Variants in MLLT3 observed in about 807,000 individuals in gnomAD.
MLLT3 encodes the protein protein AF-9.
In MLLT3, 4 loss-of-function variants were observed where a neutral mutation model predicts 53.2. The ratio of observed to expected loss-of-function variants is 0.08; its 90% confidence interval spans 0.04 to 0.17. MLLT3 has a LOEUF of 0.17. MLLT3 is among the 10% of genes least tolerant of loss of function. MLLT3 has a pLI of 1.00. For missense variants in MLLT3, 569 were observed against 684.0 expected (o/e 0.83, Z 1.87); for synonymous variants, 283 against 230.6 (o/e 1.23, Z -2.06).
At chr9:20,616,594 C>A (rs1167403619) in intron 2 of MLLT3, among the ~76,000 whole-genome samples, 1 of 152,138 alleles carries the variant, frequency 6.6e-6, no homozygotes, top group African/African-American at 2.4e-5. Flanking sequence ...TACTTATTTA[C>A]AGACATACAC....
chr9:20,605,719 GTATAACATT>G, intron 2 of MLLT3, among the ~76,000 whole-genome samples: 1 of 152,080 alleles, frequency 6.6e-6, no homozygotes, highest in Non-Finnish European at 1.5e-5. Context: ...TTTTAAGCTA[GTATAACATT>G]TATACTATAT....
At chr9:20,516,139 C>T (rs971474786) in intron 2 of MLLT3, among the ~76,000 whole-genome samples, 2 of 152,186 alleles carry the variant, frequency 1.3e-5, no homozygotes, top group African/African-American at 4.8e-5. Flanking sequence ...CCTCAGATAT[C>T]TCCTGACTCC....
At chr9:20,545,750 G>A (rs186920404) in intron 2 of MLLT3, among the ~76,000 whole-genome samples, 11 of 151,748 alleles carry the variant, frequency 7.2e-5, no homozygotes, top group Admixed American at 2.0e-4. Flanking sequence ...CAGGTCCAGT[G>A]GCTCACATGT....
Position 20,352,358 on chromosome 9 carries a change from G to A in MLLT3, c.1575+1167C>T, listed in dbSNP as rs1821048876. Among the ~76,000 whole-genome samples, 6 of 152,216 alleles carry A rather than the reference G, an allele frequency of 3.9e-5. No homozygotes were observed. In the South Asian group the frequency reaches 1.2e-3, roughly 32 times the overall value. On this transcript the variant is annotated intron_variant, in intron 10 of 10. Transcript: ENST00000380338. ...ACGAGAAAGATCATGCAATAGATCTGCAATCAGCATTATGCCAGCCCCAAA... is the reference window on the plus strand; with the variant it reads ...ACGAGAAAGATCATGCAATAGATCTACAATCAGCATTATGCCAGCCCCAAA...
At chr9:20,500,949 T>C (rs1825207700) in intron 2 of MLLT3, among the ~76,000 whole-genome samples, 1 of 152,218 alleles carries the variant, frequency 6.6e-6, no homozygotes, top group African/African-American at 2.4e-5. Context: ...GAATTGCCTA[T>C]AATTCAGAGT....
intron 3 of MLLT3, among the ~76,000 whole-genome samples, chr9:20,452,753 G>C (rs959780632): frequency 6.6e-6 from 1 of 152,160 alleles, no homozygotes; most frequent in Non-Finnish European, 1.5e-5. Context: ...GACTCAGAAA[G>C]ATGAGTACTG....
At chr9:20,560,527 A>C (rs1819176185) in intron 2 of MLLT3, among the ~76,000 whole-genome samples, 1 of 152,172 alleles carries the variant, frequency 6.6e-6, no homozygotes, top group Non-Finnish European at 1.5e-5. Context: ...GATAAACAGC[A>C]AGGGAGTAAG....
At chr9:20,353,434 C>A (rs1821085816) in intron 10 of MLLT3, 91 bp downstream of exon 10, 6 of 1,034,864 alleles carry the variant, frequency 5.8e-6, no homozygotes, top group Non-Finnish European at 7.6e-6. Context: ...TAGCGTGGGG[C>A]TGCAGTGGCC....
rs180861735 is a variant in MLLT3, at chr9:20,603,005, C to A, written c.193+17649G>T. Among the ~76,000 whole-genome samples, 3 of 152,140 alleles carry A rather than the reference C, an allele frequency of 2.0e-5. No homozygotes were observed. In the East Asian group the frequency reaches 5.8e-4, roughly 29 times the overall value. ...ATTAAAAGTAGATATGATATAGTCT[C>A]CCTCTATATATGAAAGATCATTTTT... On this transcript the variant is annotated intron_variant, in intron 2 of 10. Transcript: ENST00000380338.
At chr9:20,537,891 T>C in intron 2 of MLLT3, among the ~76,000 whole-genome samples, 1 of 152,220 alleles carries the variant, frequency 6.6e-6, no homozygotes, top group Non-Finnish European at 1.5e-5. Context: ...CATCTTAGCC[T>C]AGGTTTGAAA....
At chr9:20,433,926 A>G (rs1823339031) in intron 4 of MLLT3, among the ~76,000 whole-genome samples, 1 of 151,720 alleles carries the variant, frequency 6.6e-6, no homozygotes, top group Non-Finnish European at 1.5e-5. Flanking sequence ...CATACTGGCC[A>G]ACATGATGAA....
rs1421706169 is a variant in MLLT3 at position 20,620,833 on chromosome 9, C to T, written c.14G>A (p.Cys5Tyr). ...CAGCTCCAGCTTCACCTGCACGGCA[C>T]ACTGCGGGCAGGGGGAGGAGAGACA... MASS[C>Y]AVQVKLELGH... Residue 5 changes from cysteine to tyrosine, a missense_variant and splice_region_variant, in exon 2 of 11, where the codon TGT (cysteine) becomes TAT (tyrosine). Around this residue, in one of 5 missense-constraint regions of MLLT3, gnomAD observed 13 missense variants for 16.2 expected, o/e 0.80. Coordinates refer to ENST00000380338, the MANE Select transcript of MLLT3 (RefSeq NM_004529.4). The surrounding 1 kb of genome is among the most constrained non-coding windows in gnomAD (Gnocchi z 6.1). 1.2e-6 allele frequency: 2 copies of T among 1,614,016 alleles called. No individual in the cohort carries two copies. The highest frequency in any genetic ancestry group is 1.7e-6 in the Non-Finnish European group (2 of 1,179,974).
chr9:20,518,794 G>C (rs529557623), intron 2 of MLLT3, among the ~76,000 whole-genome samples: 2 of 152,020 alleles, frequency 1.3e-5, no homozygotes, highest in Admixed American at 6.6e-5. Flanking sequence ...CAAATCAAGG[G>C]ACATTCTACA....
intron 4 of MLLT3, among the ~76,000 whole-genome samples, chr9:20,419,034 C>G (rs1052458864): frequency 6.6e-6 from 1 of 152,092 alleles, no homozygotes; most frequent in Non-Finnish European, 1.5e-5. Context: ...CAACCTCAAT[C>G]CCAATGCACA....
chr9:20,348,807 C>G (rs1355308177), intron 10 of MLLT3, among the ~76,000 whole-genome samples: 1 of 152,186 alleles, frequency 6.6e-6, no homozygotes, highest in Non-Finnish European at 1.5e-5. Flanking sequence ...ACAGAACTTT[C>G]AAGAAGTCTT....
chr9:20,558,290 T>A (rs1196690074), intron 2 of MLLT3, among the ~76,000 whole-genome samples: 1 of 152,138 alleles, frequency 6.6e-6, no homozygotes, highest in Non-Finnish European at 1.5e-5. Flanking sequence ...GAAGCAATTA[T>A]TTTTTGTTTT....
intron 5 of MLLT3, among the ~76,000 whole-genome samples, chr9:20,366,274 T>G (rs1821448746): frequency 6.6e-6 from 1 of 152,188 alleles, no homozygotes; most frequent in Admixed American, 6.5e-5. Flanking sequence ...GTTCAACTCT[T>G]CACTTATGAG....
At chr9:20,593,191 G>A (rs1820171177) in intron 2 of MLLT3, among the ~76,000 whole-genome samples, 1 of 152,108 alleles carries the variant, frequency 6.6e-6, no homozygotes, top group African/African-American at 2.4e-5. Flanking sequence ...AAATTTAAAT[G>A]GCCATAAACG....
chr9:20,593,325 C>T (rs1294700702), intron 2 of MLLT3, among the ~76,000 whole-genome samples: 1 of 152,044 alleles, frequency 6.6e-6, no homozygotes, highest in Non-Finnish European at 1.5e-5. Context: ...CCTGGGACCT[C>T]GAGAGGAGAG....
Sources: allele counts gnomAD v4.1 joint callset (sites outside exome capture counted in the v4.1 genomes callset), GRCh38; gene constraint gnomAD v4.1.1; regional missense constraint gnomAD v4.1.1; non-coding constraint Gnocchi (gnomAD v3.1); transcripts MANE v1.5; gene names NCBI Gene and HGNC (gene_info 2026-07-23, HGNC 2026-07-21).